The following SERPINB6 variants were observed in gnomAD, a reference collection of about 807,000 sequenced individuals.
SERPINB6 encodes serpin family B member 6.
A neutral mutation model predicts 26.1 loss-of-function variants in SERPINB6; 16 were observed. The ratio of observed to expected loss-of-function variants is 0.61; its 90% CI spans 0.42 to 0.93. The LOEUF is 0.93. Among genes scored for constraint, SERPINB6 ranks in the 40% least tolerant of loss-of-function variants. The pLI is 0.00. For missense variants in SERPINB6, 420 were observed against 478.0 expected (o/e 0.88, Z 1.13); for synonymous variants, 174 against 176.6 (o/e 0.99, Z 0.11).
rs1201327476 is a variant in SERPINB6, at chr6:2,948,964, C to T, written c.679G>A (p.Glu227Lys). ...GGAAGCATGATGATCATATTCAGTT[C>T]CTTGCCAACATATGGAAGCACCAAG... is the stretch of plus-strand genomic sequence containing the variant. ...QILVLPYVGK[E>K]LNMIIMLPDE... The change falls in exon 6 of 7, where the codon GAA becomes AAA. Residue 227 changes from glutamate to lysine, a missense_variant. Physicochemically the swap from Glu to Lys is moderately conservative, Grantham distance 56. Transcript: ENST00000380539. The surrounding 1 kb of genome is among the most constrained non-coding windows in gnomAD (Gnocchi z 5.0). 1 of 1,614,232 alleles carries T rather than the reference C, an allele frequency of 6.2e-7. No individual in the cohort carries two copies. The highest frequency in any genetic ancestry group is 8.5e-7 in the Non-Finnish European group (1 of 1,180,036).
intron 1 of SERPINB6, chr6:2,966,896 C>T: frequency 1.0e-6 from 1 of 974,302 alleles, no homozygotes; most frequent in South Asian, 4.7e-5. Flanking sequence ...CTCAAGCTAT[C>T]TTTCCACGTT....
At chr6:2,951,837 T>C (rs1223117038) in intron 5 of SERPINB6, among the ~76,000 whole-genome samples, 2 of 152,186 alleles carry the variant, frequency 1.3e-5, no homozygotes, top group Admixed American at 1.3e-4. Flanking sequence ...AGAAAGCAGC[T>C]TTCCCTTTCT....
At chr6:2,966,322 A>C (rs944070167) in intron 1 of SERPINB6, 1 of 914,954 alleles carries the variant, frequency 1.1e-6, no homozygotes, top group Non-Finnish European at 1.3e-6. Context: ...CAATTTGCTG[A>C]TGTTTTTTTT....
At chr6:2,971,099 G>C (rs1772115383) in intron 1 of SERPINB6, 1 of 1,087,504 alleles carries the variant, frequency 9.2e-7, no homozygotes, top group Non-Finnish European at 1.1e-6. Context: ...CCGAGGCCGC[G>C]GGGCCGACCG....
intron 2 of SERPINB6, among the ~76,000 whole-genome samples, chr6:2,958,789 G>A (rs1770780961): frequency 6.6e-6 from 1 of 152,132 alleles, no homozygotes; most frequent in South Asian, 2.1e-4. Context: ...GCCATTCTAA[G>A]AAGGCTTTAC....
chr6:2,949,037 CT>C lies in SERPINB6; in HGVS notation c.605del (p.Lys202SerfsTer10). Reference protein sequence around the residue: ...NEEKPVQMMFKQSTFKKTYIG... With the variant: ...NEEKPVQMMFXQSTFKKTYIG... ...TATAGGTCTTCTTAAAAGTAGATTG[CT>C]TAAACATCATTTGCACAGGTTTCTC... is the stretch of plus-strand genomic sequence containing the variant. On this transcript the variant is annotated frameshift_variant, in exon 6 of 7. Coordinates refer to ENST00000380539, the MANE Select transcript of SERPINB6 (RefSeq NM_004568.6). LOFTEE classifies it high-confidence loss of function. 1.2e-6 allele frequency: 2 copies of C among 1,614,168 alleles called. No homozygotes were observed. The highest frequency in any genetic ancestry group is 1.7e-6 in the Non-Finnish European group (2 of 1,180,024).
At chr6:2,953,232 A>T (rs765672306) in intron 4 of SERPINB6, 46 bp from the exon 5 acceptor site, 13 of 1,613,134 alleles carry the variant, frequency 8.1e-6, no homozygotes, top group Middle Eastern at 3.3e-4. Flanking sequence ...GCGGCTGCGG[A>T]TCCCCGACAC....
At chr6:2,961,575 TAAGAA>T (rs936037893) in intron 1 of SERPINB6, among the ~76,000 whole-genome samples, 1 of 152,076 alleles carries the variant, frequency 6.6e-6, no homozygotes, top group Non-Finnish European at 1.5e-5. Flanking sequence ...AGGTTAAGAA[TAAGAA>T]AAGAGGAGAT....
intron 5 of SERPINB6, 123 bp downstream of exon 5, chr6:2,952,921 C>T: frequency 7.0e-7 from 1 of 1,423,802 alleles, no homozygotes; most frequent in Non-Finnish European, 9.7e-7. Context: ...ACGAGGCCAC[C>T]CAATGGATGT....
At chr6:2,954,017 CAA>C (rs1770124927) in intron 4 of SERPINB6, among the ~76,000 whole-genome samples, 1 of 144,102 alleles carries the variant, frequency 6.9e-6, no homozygotes, top group Non-Finnish European at 1.5e-5. Flanking sequence ...GCAATAAGAG[CAA>C]AACTCCATCT....
At chr6:2,970,562 C>G in intron 1 of SERPINB6, 1 of 1,204,096 alleles carries the variant, frequency 8.3e-7, no homozygotes, top group Non-Finnish European at 1.0e-6. Context: ...AGAAAGGATG[C>G]AGGCAGCTGC....
chr6:2,970,692 G>A, intron 1 of SERPINB6: 1 of 1,063,310 alleles, frequency 9.4e-7, no homozygotes, highest in Non-Finnish European at 1.1e-6. Flanking sequence ...TTAATTTTCT[G>A]TACCTCAGTT....
chr6:2,955,203 C>CAAAAAAAAAA (rs66527971), intron 3 of SERPINB6: 4 of 213,274 alleles, frequency 1.9e-5, no homozygotes, highest in Non-Finnish European at 1.8e-5. Flanking sequence ...AAAAAAAAAA[C>CAAAAAAAAAA]AAAAAAAAAA....
chr6:2,969,625 T>A, intron 1 of SERPINB6: 1 of 985,416 alleles, frequency 1.0e-6, no homozygotes, highest in Non-Finnish European at 1.2e-6. Context: ...GTCTTAATTT[T>A]TTTTTAGGTG....
chr6:2,954,530 G>T, intron 4 of SERPINB6, 62 bp downstream of exon 4: 1 of 1,258,304 alleles, frequency 7.9e-7, no homozygotes, highest in Non-Finnish European at 1.2e-6. Context: ...GTCTTGTGAA[G>T]GAACTGACAA....
intron 5 of SERPINB6, among the ~76,000 whole-genome samples, chr6:2,951,396 A>T (rs1252024573): frequency 1.5e-5 from 1 of 64,800 alleles, no homozygotes; most frequent in African/African-American, 5.0e-5. Flanking sequence ...TGGAAAAAAT[A>T]AAAAATAAAA....
chr6:2,953,044 C>A lies in SERPINB6; in HGVS notation c.573G>T (p.Lys191Asn). The change falls in exon 5 of 7, where the codon AAG becomes AAT. Residue 191 changes from lysine to asparagine, a missense_variant and splice_region_variant. Coordinates refer to ENST00000380539, the MANE Select transcript of SERPINB6 (RefSeq NM_004568.6). ...GCTCCTGTCACGGCCCCTTACTCGC[C>A]TTGCTGACTTTAAACAGTCTCTCCT... ...NTEERLFKVS[K>N]NEEKPVQMMF... is the part of the protein sequence containing the mutation. 6.2e-7 allele frequency: 1 copy of A among 1,614,234 alleles called. No homozygotes were observed. The highest frequency in any genetic ancestry group is 8.5e-7 in the Non-Finnish European group (1 of 1,180,048).
In SERPINB6 at chr6:2,948,934, C is replaced by T. The variant is rs769858532; in HGVS notation, c.709G>A (p.Glu237Lys). The change falls in exon 6 of 7, where the codon GAG becomes AAG. Residue 237 changes from glutamate (E) to lysine (K), a missense_variant. Coordinates refer to ENST00000380539, the MANE Select transcript of SERPINB6 (RefSeq NM_004568.6). The surrounding 1 kb of genome is among the most constrained non-coding windows in gnomAD (Gnocchi z 5.0). ...ELNMIIMLPD[E>K]TTDLRTVEKE... is the part of the protein sequence containing the mutation. ...GTTACCGTTCTCAAGTCAGTGGTCT[C>T]GTCCGGAAGCATGATGATCATATTC... is the stretch of plus-strand genomic sequence containing the variant. The T allele has an allele frequency of 1.8e-5, 29 of 1,614,082 alleles. No homozygotes were observed. Among genetic ancestry groups the T allele is most frequent in the Non-Finnish European group, 2.0e-5 (24 of 1,180,046 alleles).
intron 1 of SERPINB6, chr6:2,968,782 G>T: frequency 8.1e-7 from 1 of 1,231,614 alleles, no homozygotes; most frequent in Non-Finnish European, 1.0e-6. Flanking sequence ...TGTTTACATG[G>T]AGGAAGTTCT....
Sources: allele counts gnomAD v4.1 joint callset (sites outside exome capture counted in the v4.1 genomes callset), GRCh38; gene constraint gnomAD v4.1.1; non-coding constraint Gnocchi (gnomAD v3.1); transcripts MANE v1.5; gene names NCBI Gene and HGNC (gene_info 2026-07-23, HGNC 2026-07-21).